Variants in FRMPD1 observed in about 807,000 individuals in gnomAD.
FRMPD1 encodes the protein FERM and PDZ domain containing 1.
Under a neutral mutation model 117.8 loss-of-function variants are expected in FRMPD1, and 76 were observed. That is an observed-to-expected ratio of 0.65 (90% CI 0.54 to 0.78). FRMPD1 has a LOEUF of 0.78. Among genes scored for constraint, FRMPD1 ranks in the 30% least tolerant of loss-of-function variants. FRMPD1 has a pLI of 0.00. For missense variants in FRMPD1, 1,786 were observed against 1,964.5 expected, an observed-to-expected ratio of 0.91 and a Z score of 1.72; for synonymous variants, 783 against 770.4, an observed-to-expected ratio of 1.02 and a Z score of -0.27.
At chr9:37,614,906 CTA>C in the FRMPD1 span, among the ~76,000 whole-genome samples, 5 of 152,150 alleles carry the variant, frequency 3.3e-5, no homozygotes, top group African/African-American at 1.2e-4. Context: ...TGAAGCTAAA[CTA>C]TAATTAGATT....
At chr9:37,743,909 A>G (rs1478000221) in intron 15 of FRMPD1, among the ~76,000 whole-genome samples, 1 of 151,144 alleles carries the variant, frequency 6.6e-6, no homozygotes, top group Admixed American at 6.6e-5. Flanking sequence ...AAAAAGAAAA[A>G]AAAAAGTCGG....
chr9:37,697,610 A>C (rs1231813016), intron 2 of FRMPD1, among the ~76,000 whole-genome samples: 1 of 151,814 alleles, frequency 6.6e-6, no homozygotes, highest in Non-Finnish European at 1.5e-5. Flanking sequence ...CTAACCTCCC[A>C]AAAGGTCTCT....
chr9:37,645,009 C>T, the FRMPD1 span, among the ~76,000 whole-genome samples: 2 of 150,730 alleles, frequency 1.3e-5, no homozygotes, highest in Non-Finnish European at 2.9e-5. Flanking sequence ...ATGTAGTTGT[C>T]AAGACCAGGG....
chr9:37,677,705 T>C (rs1158845522), intron 1 of FRMPD1, among the ~76,000 whole-genome samples: 1 of 152,198 alleles, frequency 6.6e-6, no homozygotes, highest in Non-Finnish European at 1.5e-5. Flanking sequence ...AGTAGTGCAC[T>C]GTGAAAGCTT....
intron 6 of FRMPD1, among the ~76,000 whole-genome samples, chr9:37,724,023 A>G (rs375092621): frequency 2.2e-4 from 33 of 152,022 alleles, no homozygotes; most frequent in African/African-American, 7.7e-4. Context: ...ATAAAAAAAA[A>G]TAAAAGCCAG....
chr9:37,622,233 T>C, the FRMPD1 span, among the ~76,000 whole-genome samples: 1 of 152,214 alleles, frequency 6.6e-6, no homozygotes, highest in Non-Finnish European at 1.5e-5. Context: ...TTATTTTGCC[T>C]GAGACGGTGA....
intron 6 of FRMPD1, among the ~76,000 whole-genome samples, chr9:37,719,673 G>A (rs956108828): frequency 2.6e-5 from 4 of 152,128 alleles, no homozygotes; most frequent in African/African-American, 9.7e-5. Context: ...GGAAGCAGAG[G>A]CCTAGAGAGA....
At chr9:37,693,914 C>T (rs1177317768) in intron 2 of FRMPD1, among the ~76,000 whole-genome samples, 2 of 152,158 alleles carry the variant, frequency 1.3e-5, no homozygotes, top group Non-Finnish European at 2.9e-5. Context: ...TGTCTAGAGT[C>T]AGGATGAATT....
At chr9:37,618,442 T>A in the FRMPD1 span, among the ~76,000 whole-genome samples, 1 of 152,124 alleles carries the variant, frequency 6.6e-6, no homozygotes, top group East Asian at 1.9e-4. Flanking sequence ...ACTACACTCA[T>A]CCCGATTGGT....
At chr9:37,719,571 C>T (rs927239174) in intron 6 of FRMPD1, among the ~76,000 whole-genome samples, 4 of 152,196 alleles carry the variant, frequency 2.6e-5, no homozygotes, top group African/African-American at 4.8e-5. Flanking sequence ...AAGAGTCCAT[C>T]ATCTATTGAA....
chr9:37,639,200 G>C, the FRMPD1 span, among the ~76,000 whole-genome samples: 1 of 152,192 alleles, frequency 6.6e-6, no homozygotes, highest in African/African-American at 2.4e-5. Context: ...GATCAGGTTG[G>C]ACACATTTCC....
At position 37,707,551 on chromosome 9, in the gene FRMPD1, T is replaced by TA. The variant is rs1471319979; in HGVS notation, c.238dup (p.Thr80AsnfsTer19). 6.2e-7 allele frequency: 1 copy of TA among 1,613,796 alleles called. No individual in the cohort carries two copies. The highest frequency in any genetic ancestry group is 8.5e-7 in the Non-Finnish European group (1 of 1,179,870). On this transcript the variant is annotated frameshift_variant, in exon 3 of 16. Transcript: ENST00000377765. LOFTEE classifies it high-confidence loss of function. ...TTCACATTTCTGAGAGCCTTCCCCTTACAGTGGTGGCTGTCACAGCAGGTA... is the reference window on the plus strand; with the variant it reads ...TTCACATTTCTGAGAGCCTTCCCCTTAACAGTGGTGGCTGTCACAGCAGGTA...
At chr9:37,636,536 A>G in the FRMPD1 span, among the ~76,000 whole-genome samples, 1 of 152,128 alleles carries the variant, frequency 6.6e-6, no homozygotes, top group African/African-American at 2.4e-5. Context: ...TCGGGGCAGC[A>G]GGCAGATGGG....
the FRMPD1 span, among the ~76,000 whole-genome samples, chr9:37,632,939 A>G: frequency 6.8e-6 from 1 of 147,414 alleles, no homozygotes; most frequent in Non-Finnish European, 1.5e-5. Flanking sequence ...TTTCTTTTAT[A>G]TATATAAAAA....
the FRMPD1 span, among the ~76,000 whole-genome samples, chr9:37,610,395 AG>A: frequency 6.6e-6 from 1 of 152,208 alleles, no homozygotes; most frequent in African/African-American, 2.4e-5. Flanking sequence ...TGAATAAATG[AG>A]GAAAGTGAGG....
the FRMPD1 span, among the ~76,000 whole-genome samples, chr9:37,621,846 G>A: frequency 2.7e-5 from 4 of 149,304 alleles, no homozygotes; most frequent in African/African-American, 1.0e-4. Context: ...GGATTTCTAG[G>A]GCCTGGGAGA....
Position 37,746,813 on chromosome 9 carries a change from A to G in FRMPD1, c.*44A>G. 1 of 1,387,290 alleles carries G rather than the reference A, an allele frequency of 7.2e-7. No homozygotes were observed. The highest frequency in any genetic ancestry group is 1.0e-6 in the Non-Finnish European group (1 of 982,252). 85.9% of individuals were successfully genotyped at this position (1,387,290 alleles called of 1,614,324 possible). A position where few individuals can be genotyped will look rare whatever the true frequency, so the allele number is the denominator to read the frequency against. ...GGCCTCCTGCCCTGTCCTGCCTTGG[A>G]CACTTCCCTGAGAAGCCCCTTCCAC... is the stretch of plus-strand genomic sequence containing the variant. On this transcript the variant is annotated 3_prime_UTR_variant, in exon 16 of 16. Transcript: ENST00000377765.
the FRMPD1 span, among the ~76,000 whole-genome samples, chr9:37,605,320 A>T: frequency 3.3e-5 from 5 of 152,190 alleles, 1 homozygote. Context: ...TCAGTCCCTG[A>T]GGGCTGGCAA....
intron 5 of FRMPD1, among the ~76,000 whole-genome samples, chr9:37,715,838 T>G (rs762090250): frequency 2.6e-5 from 4 of 152,182 alleles, no homozygotes; most frequent in Non-Finnish European, 4.4e-5. Flanking sequence ...GTTTCATGGT[T>G]GGGTGGTTCC....
Sources: allele counts gnomAD v4.1 joint callset (sites outside exome capture counted in the v4.1 genomes callset), GRCh38; gene constraint gnomAD v4.1.1; transcripts MANE v1.5; gene names NCBI Gene and HGNC (gene_info 2026-07-23, HGNC 2026-07-21).